The following GMDS variants were observed in gnomAD, a reference collection of about 807,000 sequenced individuals.
The protein encoded by GMDS is GDP-mannose 4,6-dehydratase.
A neutral mutation model predicts 49.9 loss-of-function variants in GMDS; 20 were observed. The observed-to-expected ratio is 0.40, with a 90% CI of 0.28 to 0.58. GMDS has a LOEUF of 0.58. Ranked by LOEUF, GMDS falls within the 20% of genes least tolerant of loss-of-function variation. GMDS has a pLI of 0.42. For missense variants in GMDS, 362 were observed against 481.4 expected (o/e 0.75, Z 2.32); for synonymous variants, 177 against 178.6 (o/e 0.99, Z 0.07).
intron 7 of GMDS, among the ~76,000 whole-genome samples, chr6:1,870,522 G>A (rs961610694): frequency 6.6e-6 from 1 of 152,078 alleles, no homozygotes; most frequent in Non-Finnish European, 1.5e-5. Context: ...TCACCAGAGA[G>A]GCTCTTTGCT....
chr6:1,694,672 A>G (rs964976250), intron 9 of GMDS, among the ~76,000 whole-genome samples: 8 of 152,210 alleles, frequency 5.3e-5, no homozygotes, highest in South Asian at 2.1e-4. Flanking sequence ...GCATAGCAAG[A>G]GGTGGAAATA....
chr6:1,813,538 A>G (rs1770533855), intron 7 of GMDS, among the ~76,000 whole-genome samples: 1 of 152,188 alleles, frequency 6.6e-6, no homozygotes, highest in Admixed American at 6.5e-5. Context: ...AGAAAGAATC[A>G]TAAAATTCCT....
At chr6:2,180,398 A>C (rs1461955007) in intron 1 of GMDS, among the ~76,000 whole-genome samples, 1 of 152,246 alleles carries the variant, frequency 6.6e-6, no homozygotes, top group Non-Finnish European at 1.5e-5. Flanking sequence ...GGTAATTCCA[A>C]GTTTGACAAT....
intron 6 of GMDS, among the ~76,000 whole-genome samples, chr6:1,940,259 TAA>T (rs1282090117): frequency 6.6e-6 from 1 of 152,256 alleles, no homozygotes; most frequent in Non-Finnish European, 1.5e-5. Context: ...ATTTGTCTAA[TAA>T]AAATTCTATT....
chr6:2,076,068 T>C (rs1440043396), intron 4 of GMDS, among the ~76,000 whole-genome samples: 1 of 152,222 alleles, frequency 6.6e-6, no homozygotes, highest in Admixed American at 6.5e-5. Context: ...TTGAGAAGTG[T>C]CTGTTCATAT....
chr6:1,761,540 G>A (rs534451732), intron 7 of GMDS, among the ~76,000 whole-genome samples: 16 of 152,250 alleles, frequency 1.1e-4, no homozygotes, highest in South Asian at 8.3e-4. Context: ...GCTAAAGGTC[G>A]AGTTCTGAGG....
intron 4 of GMDS, among the ~76,000 whole-genome samples, chr6:2,041,530 T>A (rs191077578): frequency 6.6e-6 from 1 of 152,322 alleles, no homozygotes; most frequent in Admixed American, 6.5e-5. Flanking sequence ...TTGAACTGTT[T>A]CGACTTTTAA....
chr6:2,102,190 C>A (rs902311521), intron 4 of GMDS, among the ~76,000 whole-genome samples: 2 of 151,890 alleles, frequency 1.3e-5, no homozygotes, highest in African/African-American at 4.8e-5. Flanking sequence ...CCCTATAATT[C>A]ATACAAAATC....
Position 2,100,749 on chromosome 6 carries a change from C to T in GMDS, c.345+15022G>A, listed in dbSNP as rs541002463. 4.0e-5 allele frequency among the ~76,000 whole-genome samples: 6 copies of T among 151,858 alleles called. No homozygotes were observed. In the South Asian group the frequency reaches 1.3e-3, roughly 32 times the overall value. On this transcript the variant is annotated intron_variant, in intron 4 of 10. Transcript: ENST00000380815. ...TCAAACATGTGATAGGGGCACTACA[C>T]AAAATGTCATGTGCTAACATCTGGA... is the stretch of plus-strand genomic sequence containing the variant.
At chr6:2,065,761 T>C (rs914028586) in intron 4 of GMDS, among the ~76,000 whole-genome samples, 13 of 152,116 alleles carry the variant, frequency 8.5e-5, no homozygotes, top group African/African-American at 3.1e-4. Flanking sequence ...CCAAGAAATA[T>C]GGGACTATGT....
At chr6:1,701,213 G>A (rs1158413529) in intron 9 of GMDS, among the ~76,000 whole-genome samples, 1 of 152,112 alleles carries the variant, frequency 6.6e-6, no homozygotes, top group African/African-American at 2.4e-5. Flanking sequence ...AACTATATTT[G>A]TGTTAAGCTT....
chr6:1,768,079 T>C (rs974995972), intron 7 of GMDS, among the ~76,000 whole-genome samples: 2 of 152,162 alleles, frequency 1.3e-5, no homozygotes, highest in African/African-American at 2.4e-5. Context: ...TATGTTACTA[T>C]ATGAAGCAGA....
chr6:2,210,400 G>T lies in GMDS; in HGVS notation c.102+34921C>A, dbSNP rs115183662. On this transcript the variant is annotated intron_variant, in intron 1 of 10. Transcript: ENST00000380815. ...CCTATTATTAAGAAAACCTGTAGTG[G>T]TCAGGGTTTGTTAACTACCAAGTTA... Among the ~76,000 whole-genome samples, 80 of 152,304 alleles carry T rather than the reference G, an allele frequency of 5.3e-4. 1 individual carries two copies. In the East Asian group the frequency reaches 0.013, roughly 24 times the overall value.
intron 1 of GMDS, among the ~76,000 whole-genome samples, chr6:2,126,923 T>C (rs1450504523): frequency 1.3e-5 from 2 of 152,226 alleles, no homozygotes; most frequent in African/African-American, 4.8e-5. Context: ...TTAGCCACCA[T>C]GCCAGGGCTA....
intron 7 of GMDS, among the ~76,000 whole-genome samples, chr6:1,843,625 G>A (rs1581247437): frequency 6.6e-6 from 1 of 152,116 alleles, no homozygotes; most frequent in Non-Finnish European, 1.5e-5. Flanking sequence ...AAAATTAGCT[G>A]GGTGTGGTGG....
intron 7 of GMDS, among the ~76,000 whole-genome samples, chr6:1,768,894 T>C (rs1396339508): frequency 6.6e-6 from 1 of 152,268 alleles, no homozygotes; most frequent in Admixed American, 6.5e-5. Flanking sequence ...AAAAGAGTTA[T>C]GCTTATATTT....
chr6:1,912,501 TACAA>T (rs1331816800), intron 7 of GMDS, among the ~76,000 whole-genome samples: 2 of 152,184 alleles, frequency 1.3e-5, no homozygotes, highest in Non-Finnish European at 1.5e-5. Context: ...AAGCTTTAAA[TACAA>T]ACAGTTATAA....
At chr6:1,786,669 C>A (rs1769333099) in intron 7 of GMDS, among the ~76,000 whole-genome samples, 1 of 152,182 alleles carries the variant, frequency 6.6e-6, no homozygotes, top group Non-Finnish European at 1.5e-5. Flanking sequence ...GGCCTGGAAG[C>A]TCGAAGCAAT....
intron 6 of GMDS, among the ~76,000 whole-genome samples, chr6:1,949,514 G>A (rs1163779619): frequency 2.0e-5 from 3 of 152,210 alleles, no homozygotes; most frequent in Admixed American, 1.3e-4. Flanking sequence ...CACCTCAGGA[G>A]ATGGGAGGGA....
Sources: allele counts gnomAD v4.1 joint callset (sites outside exome capture counted in the v4.1 genomes callset), GRCh38; gene constraint gnomAD v4.1.1; transcripts MANE v1.5; gene names NCBI Gene and HGNC (gene_info 2026-07-23, HGNC 2026-07-21).